The following TRDN variants were observed in gnomAD, a reference collection of about 807,000 sequenced individuals.
TRDN encodes the protein triadin.
A neutral mutation model predicts 149.7 loss-of-function variants in TRDN; 161 were observed. That is an observed-to-expected ratio of 1.08 (90% confidence interval 0.95 to 1.23). TRDN has a LOEUF of 1.23. Ranked by LOEUF, TRDN falls within the 50% of genes most tolerant of loss-of-function variation. The pLI is 0.00. For missense variants in TRDN, 896 were observed against 823.5 expected, an observed-to-expected ratio of 1.09 and a Z score of -1.08; for synonymous variants, 294 against 250.5, an observed-to-expected ratio of 1.17 and a Z score of -1.64.
At chr6:123,369,659 CAT>C (rs1289734311) in intron 19 of TRDN, among the ~76,000 whole-genome samples, 6 of 152,270 alleles carry the variant, frequency 3.9e-5, no homozygotes, top group Admixed American at 3.9e-4. Context: ...TTGAGAAATT[CAT>C]AGAGAAAATA....
chr6:123,563,460 T>C (rs1782107370), intron 2 of TRDN, among the ~76,000 whole-genome samples: 1 of 152,208 alleles, frequency 6.6e-6, no homozygotes, highest in Admixed American at 6.5e-5. Context: ...GTGTGACTAT[T>C]GAATTTGCTT....
intron 9 of TRDN, among the ~76,000 whole-genome samples, chr6:123,481,515 A>G (rs1337627081): frequency 6.6e-6 from 1 of 151,872 alleles, no homozygotes; most frequent in Non-Finnish European, 1.5e-5. Flanking sequence ...TAGCCATTTG[A>G]AAAAATTCTA....
chr6:123,511,790 A>C (rs1002029582), intron 7 of TRDN, among the ~76,000 whole-genome samples: 2 of 150,168 alleles, frequency 1.3e-5, no homozygotes, highest in African/African-American at 4.9e-5. Flanking sequence ...ATTGGCTTTA[A>C]TGCTTATTGA....
In TRDN at chr6:123,258,705, G is replaced by A. The variant is rs1444735858; in HGVS notation, c.1870+919C>T. Among the ~76,000 whole-genome samples, 4 of 152,136 alleles carry A rather than the reference G, an allele frequency of 2.6e-5. No individual in the cohort carries two copies. In the South Asian group the frequency reaches 8.3e-4, roughly 31 times the overall value. On this transcript the variant is annotated intron_variant, in intron 35 of 40. Transcript: ENST00000334268. ...TGTATTGTTTGGAGTCATTTTAGAAGGAATGGTACCAGCTCCTCTTTGTAC... is the reference window on the plus strand; with the variant it reads ...TGTATTGTTTGGAGTCATTTTAGAAAGAATGGTACCAGCTCCTCTTTGTAC...
intron 21 of TRDN, chr6:123,349,409 C>A: frequency 1.8e-6 from 1 of 561,810 alleles, no homozygotes; most frequent in Non-Finnish European, 2.3e-6. Context: ...CAGTTGTGGG[C>A]GCTCAATAAA....
chr6:123,431,902 CT>C (rs1457734841), intron 12 of TRDN, among the ~76,000 whole-genome samples: 1 of 152,046 alleles, frequency 6.6e-6, no homozygotes, highest in African/African-American at 2.4e-5. Flanking sequence ...AAGCAATAAG[CT>C]TCTGTAAAGG....
intron 10 of TRDN, chr6:123,456,943 G>C: frequency 2.3e-6 from 1 of 427,310 alleles, no homozygotes; most frequent in Admixed American, 2.5e-5. Context: ...GCAAACAAAT[G>C]TTTTATAAGG....
chr6:123,534,487 C>T (rs1780419888), intron 4 of TRDN, among the ~76,000 whole-genome samples: 1 of 152,128 alleles, frequency 6.6e-6, no homozygotes, highest in African/African-American at 2.4e-5. Flanking sequence ...TGTCTCCTTA[C>T]ACTTTAGCCA....
At chr6:123,543,732 T>G (rs987304539) in intron 4 of TRDN, among the ~76,000 whole-genome samples, 5 of 152,174 alleles carry the variant, frequency 3.3e-5, no homozygotes, top group Admixed American at 3.3e-4. Context: ...AAAGTTGCCA[T>G]ATCCCTTTTA....
At chr6:123,420,804 G>T (rs1049312947) in intron 12 of TRDN, among the ~76,000 whole-genome samples, 2 of 152,092 alleles carry the variant, frequency 1.3e-5, no homozygotes, top group African/African-American at 4.8e-5. Flanking sequence ...CTAGCCTAAA[G>T]ATTACTTAAG....
chr6:123,629,112 A>C (rs1239982363), intron 1 of TRDN, among the ~76,000 whole-genome samples: 2 of 152,128 alleles, frequency 1.3e-5, no homozygotes, highest in Non-Finnish European at 2.9e-5. Flanking sequence ...CCAGCAGTGA[A>C]TGTCAGAGAA....
At chr6:123,363,448 G>T (rs370182377) in intron 20 of TRDN, among the ~76,000 whole-genome samples, 1 of 152,120 alleles carries the variant, frequency 6.6e-6, no homozygotes, top group East Asian at 1.9e-4. Flanking sequence ...AAACAGCTAT[G>T]GTTGCTTTGA....
At chr6:123,436,106 C>T (rs1774551314) in intron 12 of TRDN, among the ~76,000 whole-genome samples, 1 of 152,100 alleles carries the variant, frequency 6.6e-6, no homozygotes, top group Non-Finnish European at 1.5e-5. Flanking sequence ...TTGAAAATTA[C>T]AACTCAAAAT....
In TRDN at chr6:123,388,567, T is replaced by C. The variant is rs1195466991; in HGVS notation, c.1106-16A>G. ...TTAGCTGCTGCTGAAGTAATGAAAA[T>C]AGCGTTAAGGCATATGAAATGACCA... On this transcript the variant is annotated splice_polypyrimidine_tract_variant and intron_variant, in intron 13 of 40. Coordinates refer to ENST00000334268, the MANE Select transcript of TRDN (RefSeq NM_006073.4). 8.9e-6 allele frequency: 14 copies of C among 1,578,654 alleles called. No individual in the cohort carries two copies. Among genetic ancestry groups the C allele is most frequent in the Non-Finnish European group, 1.2e-5 (14 of 1,159,878 alleles).
intron 12 of TRDN, among the ~76,000 whole-genome samples, chr6:123,404,744 A>G (rs980686654): frequency 3.9e-5 from 6 of 152,130 alleles, no homozygotes; most frequent in African/African-American, 1.4e-4. Context: ...TGCGCCTCCC[A>G]TGGACTGTTC....
chr6:123,266,423 G>GAT (rs1776981654), intron 32 of TRDN, among the ~76,000 whole-genome samples: 1 of 95,520 alleles, frequency 1.0e-5, no homozygotes, highest in Non-Finnish European at 1.8e-5. Flanking sequence ...TATAGATTAT[G>GAT]ATATGTATTA....
intron 22 of TRDN, among the ~76,000 whole-genome samples, chr6:123,333,349 G>A (rs948426250): frequency 1.3e-5 from 2 of 151,996 alleles, no homozygotes; most frequent in Non-Finnish European, 2.9e-5. Context: ...TAGAATGAGA[G>A]CCCACAGAAC....
At chr6:123,252,977 T>C (rs1319754333) in intron 37 of TRDN, among the ~76,000 whole-genome samples, 1 of 152,144 alleles carries the variant, frequency 6.6e-6, no homozygotes, top group East Asian at 1.9e-4. Flanking sequence ...CTTTGCATTA[T>C]GTAACAGCTA....
intron 14 of TRDN, among the ~76,000 whole-genome samples, chr6:123,385,301 G>T (rs369500031): frequency 6.6e-6 from 1 of 151,958 alleles, no homozygotes; most frequent in South Asian, 2.1e-4. Flanking sequence ...GGTAGCAGCC[G>T]CCTGTAGTAC....
Sources: gnomAD v4.1 joint callset for allele counts (sites outside exome capture counted in the v4.1 genomes callset) on GRCh38, gnomAD v4.1.1 for gene constraint, MANE v1.5 for transcripts, NCBI Gene and HGNC (gene_info 2026-07-23, HGNC 2026-07-21) for gene names.